FAM171B: variants seen among roughly 807,000 people sequenced by gnomAD.
FAM171B encodes family with sequence similarity 171 member B.
A neutral mutation model predicts 75.6 loss-of-function variants in FAM171B; 19 were observed. That is an observed-to-expected ratio of 0.25 (90% CI 0.18 to 0.37). The LOEUF is 0.37. Among genes scored for constraint, FAM171B ranks in the 10% least tolerant of loss-of-function variants. FAM171B has a pLI of 1.00. For missense variants in FAM171B, 848 were observed against 982.4 expected (o/e 0.86, Z 1.83); for synonymous variants, 367 against 361.7 (o/e 1.01, Z -0.17).
chr2:186,719,031 A>C (rs536939275), intron 1 of FAM171B, among the ~76,000 whole-genome samples: 2 of 152,302 alleles, frequency 1.3e-5, no homozygotes, highest in African/African-American at 4.8e-5. Flanking sequence ...TAAGGCACTC[A>C]ATGTTCTCAT....
At chr2:186,719,213 A>G (rs181358043) in intron 1 of FAM171B, among the ~76,000 whole-genome samples, 56 of 152,368 alleles carry the variant, frequency 3.7e-4, no homozygotes, top group Admixed American at 2.7e-3. Context: ...TCATCTACTT[A>G]AATGAAATGC....
rs1248489080 is a variant in FAM171B, at chr2:186,762,647, G to A, written c.2305G>A (p.Gly769Arg). ...ALRHILDGGS[G>R]VIMEHPGEES... ...AAGGCACATCCTAGATGGAGGGAGT[G>A]GAGTGATCATGGAGCACCCTGGAGA... The change falls in exon 8 of 8, where the codon GGA becomes AGA. Residue 769 changes from glycine to arginine, a missense_variant. Physicochemically the swap from Gly to Arg is moderately radical, Grantham distance 125. Transcript: ENST00000304698. The surrounding 1 kb of genome is among the most constrained non-coding windows in gnomAD (Gnocchi z 4.0). The A allele has an allele frequency of 6.2e-7, 1 of 1,613,234 alleles. No individual in the cohort carries two copies. The highest frequency in any genetic ancestry group is 8.5e-7 in the Non-Finnish European group (1 of 1,179,624).
At chr2:186,744,530 A>G (rs1239980293) in intron 3 of FAM171B, among the ~76,000 whole-genome samples, 1 of 152,008 alleles carries the variant, frequency 6.6e-6, no homozygotes, top group Non-Finnish European at 1.5e-5. Flanking sequence ...TATTTGCCAG[A>G]TTTTTTTTAT....
At chr2:186,697,766 C>A (rs1342941049) in intron 1 of FAM171B, among the ~76,000 whole-genome samples, 2 of 151,928 alleles carry the variant, frequency 1.3e-5, no homozygotes, top group African/African-American at 4.8e-5. Flanking sequence ...CTTATCAGTC[C>A]ATAGTAGAGA....
chr2:186,731,296 G>C (rs1215014305), intron 1 of FAM171B, among the ~76,000 whole-genome samples: 1 of 152,210 alleles, frequency 6.6e-6, no homozygotes, highest in Non-Finnish European at 1.5e-5. Flanking sequence ...GTAGTTCACA[G>C]ATCAGCTGGA....
intron 7 of FAM171B, 85 bp downstream of exon 7, chr2:186,761,321 G>T (rs993439812): frequency 1.3e-6 from 2 of 1,495,630 alleles, no homozygotes; most frequent in African/African-American, 2.9e-5. Flanking sequence ...TTTATTTGTA[G>T]AAATAAATTT....
chr2:186,744,591 A>G (rs1379155423), intron 3 of FAM171B, among the ~76,000 whole-genome samples: 1 of 152,158 alleles, frequency 6.6e-6, no homozygotes, highest in Non-Finnish European at 1.5e-5. Context: ...ACAATGGCAC[A>G]ATCTCAGCTC....
chr2:186,699,123 C>T (rs1689620817), intron 1 of FAM171B, among the ~76,000 whole-genome samples: 1 of 152,100 alleles, frequency 6.6e-6, no homozygotes, highest in Non-Finnish European at 1.5e-5. Flanking sequence ...TACTGATTTA[C>T]TTTCTTTTGG....
Position 186,763,618 on chromosome 2 carries a change from ATCTATG to A in FAM171B, c.*796_*801del, listed in dbSNP as rs1245008330. On this transcript the variant is annotated 3_prime_UTR_variant, in exon 8 of 8. Coordinates refer to ENST00000304698, the MANE Select transcript of FAM171B (RefSeq NM_177454.4). ...ACTTTTTACAAATCTGAAAAAAACAATCTATGACTTTGGTTTAAGGCTCACTGATAC... is the reference window on the plus strand; with the variant it reads ...ACTTTTTACAAATCTGAAAAAAACAAACTTTGGTTTAAGGCTCACTGATAC... 1 of 152,086 alleles carries A rather than the reference ATCTATG, an allele frequency of 6.6e-6. No homozygotes were observed. Among genetic ancestry groups the A allele is most frequent in the African/African-American group, 2.4e-5 (1 of 41,456 alleles). 9.4% of individuals were successfully genotyped at this position (152,086 alleles called of 1,614,324 possible).
At chr2:186,698,030 CA>C (rs1689606604) in intron 1 of FAM171B, among the ~76,000 whole-genome samples, 1 of 152,190 alleles carries the variant, frequency 6.6e-6, no homozygotes, top group African/African-American at 2.4e-5. Flanking sequence ...GTGTATACAA[CA>C]GCTCTTATTT....
At chr2:186,725,443 G>T (rs570580271) in intron 1 of FAM171B, among the ~76,000 whole-genome samples, 20 of 151,964 alleles carry the variant, frequency 1.3e-4, no homozygotes, top group Non-Finnish European at 2.9e-4. Context: ...GTGCTGTTTC[G>T]ATTCAAAGGA....
intron 1 of FAM171B, among the ~76,000 whole-genome samples, chr2:186,734,106 T>C (rs1264742987): frequency 3.9e-5 from 6 of 152,158 alleles, no homozygotes; most frequent in East Asian, 1.9e-4. Context: ...GAGTGCATTA[T>C]TGAGTGAAAG....
At chr2:186,745,614 A>G (rs560106590) in intron 3 of FAM171B, among the ~76,000 whole-genome samples, 5 of 152,354 alleles carry the variant, frequency 3.3e-5, no homozygotes, top group African/African-American at 1.2e-4. Flanking sequence ...AAAAATACAT[A>G]TCCTTACTGC....
Position 186,751,146 on chromosome 2 carries a change from T to C in FAM171B, c.737T>C (p.Ile246Thr), listed in dbSNP as rs759043053. The change falls in exon 5 of 8, where the codon ATT (isoleucine) becomes ACT (threonine). Residue 246 changes from isoleucine to threonine, a missense_variant. Ile to Thr is a moderately conservative substitution (Grantham distance 89). This residue lies in a region of FAM171B where 665 missense variants were observed against 729.0 expected (regional missense o/e 0.91). Transcript: ENST00000304698. Reference protein sequence around the residue: ...ITLNKPGFENIELTPLAAICV... With the variant: ...ITLNKPGFENTELTPLAAICV... The stretch of plus-strand genomic sequence containing the variant: ...TCTTCTTTTATAGGTTTTGAAAACA[T>C]TGAATTGACTCCTCTTGCTGCAATA... 6 of 1,601,382 alleles carry C rather than the reference T, an allele frequency of 3.7e-6. No homozygotes were observed. In the South Asian group the frequency reaches 4.5e-5, roughly 12 times the overall value.
At chr2:186,745,556 C>G (rs1690354140) in intron 3 of FAM171B, among the ~76,000 whole-genome samples, 1 of 152,150 alleles carries the variant, frequency 6.6e-6, no homozygotes, top group South Asian at 2.1e-4. Flanking sequence ...TTTGTAAGGC[C>G]AGGCAGGAAA....
At chr2:186,717,762 G>A (rs1043785991) in intron 1 of FAM171B, among the ~76,000 whole-genome samples, 2 of 152,050 alleles carry the variant, frequency 1.3e-5, no homozygotes, top group Non-Finnish European at 2.9e-5. Flanking sequence ...GAATCTTTCT[G>A]GACTTTCCCA....
chr2:186,761,659 A>G lies in FAM171B; in HGVS notation c.1317A>G (p.Lys439=), dbSNP rs1423355249. The G allele has an allele frequency of 6.2e-7, 1 of 1,612,050 alleles. No individual in the cohort carries two copies. Among genetic ancestry groups the G allele is most frequent in the Non-Finnish European group, 8.5e-7 (1 of 1,179,368 alleles). Residue 439 remains lysine (K), a synonymous_variant, in exon 8 of 8, where the codon AAA becomes AAG. Coordinates refer to ENST00000304698, the MANE Select transcript of FAM171B (RefSeq NM_177454.4). ...AAAACTCCTCATATAGTCCTCAGAA[A>G]AAGGAACCATCAAAGGCAGAAACAG... ...NAKNSSYSPQ[K]KEPSKAETEE... is the part of the protein sequence containing the mutation.
chr2:186,750,657 C>G (rs548228437), intron 4 of FAM171B, among the ~76,000 whole-genome samples: 11 of 152,158 alleles, frequency 7.2e-5, no homozygotes, highest in African/African-American at 2.6e-4. Flanking sequence ...GTAAGAAGTG[C>G]AACTTTTAAT....
At chr2:186,760,250 T>C (rs1574115257) in intron 6 of FAM171B, among the ~76,000 whole-genome samples, 1 of 152,136 alleles carries the variant, frequency 6.6e-6, no homozygotes, top group African/African-American at 2.4e-5. Flanking sequence ...TATGTTCTCA[T>C]AGCAGGAGGA....
Sources: gnomAD v4.1 joint callset for allele counts (sites outside exome capture counted in the v4.1 genomes callset) on GRCh38, gnomAD v4.1.1 for gene constraint, gnomAD v4.1.1 regional missense constraint, Gnocchi (gnomAD v3.1) non-coding constraint, MANE v1.5 for transcripts, NCBI Gene and HGNC (gene_info 2026-07-23, HGNC 2026-07-21) for gene names.